The following CADM2 variants were observed in gnomAD, a reference collection of about 807,000 sequenced individuals.
CADM2 encodes the protein immunoglobulin superfamily member 4D.
Under a neutral mutation model 49.8 loss-of-function variants are expected in CADM2, and 12 were observed. The observed-to-expected ratio is 0.24, with a 90% CI of 0.15 to 0.39. CADM2 has a LOEUF of 0.39. Ranked by LOEUF, CADM2 falls within the 10% of genes least tolerant of loss-of-function variation. CADM2 has a pLI of 1.00. For synonymous variants in CADM2, 214 were observed against 175.4 expected, an observed-to-expected ratio of 1.22 and a Z score of -1.74; for missense variants, 378 against 492.3, an observed-to-expected ratio of 0.77 and a Z score of 2.20.
chr3:85,680,583 T>C (rs113636574), intron 1 of CADM2, among the ~76,000 whole-genome samples: 2 of 152,172 alleles, frequency 1.3e-5, no homozygotes, highest in African/African-American at 4.8e-5. Flanking sequence ...TAAATAATTA[T>C]TGAAGCCCAA....
At chr3:85,498,374 CA>C (rs2039989072) in intron 1 of CADM2, among the ~76,000 whole-genome samples, 1 of 152,080 alleles carries the variant, frequency 6.6e-6, no homozygotes, top group Admixed American at 6.5e-5. Flanking sequence ...GTCCTAAGTT[CA>C]ATGTTAATGA....
rs1033772651 is a variant in CADM2, at chr3:85,434,739, C to T, written c.62-291783C>T. ...TAATATTACCCTCTGAGATTGTAGC[C>T]ACTCAATTTAGTATTACCTAAAAAC... On this transcript the variant is annotated intron_variant, in intron 1 of 9. Transcript: ENST00000383699. Among the ~76,000 whole-genome samples the T allele has an allele frequency of 3.3e-5, 5 of 152,086 alleles. No individual in the cohort carries two copies. The South Asian group carries it at 1.0e-3, about 32-fold the overall frequency.
At chr3:85,464,427 C>A (rs1190238200) in intron 1 of CADM2, among the ~76,000 whole-genome samples, 2 of 152,032 alleles carry the variant, frequency 1.3e-5, no homozygotes, top group East Asian at 3.9e-4. Context: ...GGACAGGACT[C>A]AAAAGATCCT....
intron 1 of CADM2, among the ~76,000 whole-genome samples, chr3:85,089,261 A>C (rs2037502870): frequency 6.6e-6 from 1 of 152,118 alleles, no homozygotes; most frequent in African/African-American, 2.4e-5. Flanking sequence ...TAAAAAAAAT[A>C]ACTTTCAGAA....
intron 1 of CADM2, among the ~76,000 whole-genome samples, chr3:85,294,061 T>C (rs1010191453): frequency 2.6e-5 from 4 of 151,864 alleles, no homozygotes; most frequent in African/African-American, 7.3e-5. Flanking sequence ...GCCCAACATC[T>C]TCTTAAGCTG....
intron 2 of CADM2, among the ~76,000 whole-genome samples, chr3:85,742,186 T>C (rs187489986): frequency 4.6e-5 from 7 of 152,370 alleles, no homozygotes; most frequent in Admixed American, 3.3e-4. Flanking sequence ...GGCTTAGACA[T>C]TGGTCAGAAA....
intron 3 of CADM2, among the ~76,000 whole-genome samples, chr3:85,803,582 G>T (rs1349668587): frequency 6.6e-6 from 1 of 152,020 alleles, no homozygotes; most frequent in Non-Finnish European, 1.5e-5. Flanking sequence ...TAATTTTGGG[G>T]TCTGGCAAGT....
At chr3:85,967,327 A>ATT (rs1725603248) in intron 8 of CADM2, among the ~76,000 whole-genome samples, 4 of 151,678 alleles carry the variant, frequency 2.6e-5, no homozygotes, top group African/African-American at 9.7e-5. Flanking sequence ...TTTAACAGAC[A>ATT]TTTCCAATCC....
intron 1 of CADM2, among the ~76,000 whole-genome samples, chr3:84,981,200 T>A (rs1302158796): frequency 6.8e-6 from 1 of 146,866 alleles, no homozygotes; most frequent in Non-Finnish European, 1.5e-5. Flanking sequence ...ATTGTTCAAT[T>A]CGCACCTATG....
chr3:85,394,510 C>A (rs2034673672), intron 1 of CADM2, among the ~76,000 whole-genome samples: 2 of 152,070 alleles, frequency 1.3e-5, no homozygotes, highest in African/African-American at 2.4e-5. Context: ...GTAAATAATT[C>A]ATTTTCAATT....
chr3:85,665,936 AG>A (rs1269595629), intron 1 of CADM2, among the ~76,000 whole-genome samples: 3 of 151,994 alleles, frequency 2.0e-5, no homozygotes, highest in African/African-American at 7.2e-5. Flanking sequence ...AATTAGGAAA[AG>A]AAGAAGTCAA....
At chr3:85,126,652 G>A (rs912879268) in intron 1 of CADM2, among the ~76,000 whole-genome samples, 10 of 151,726 alleles carry the variant, frequency 6.6e-5, no homozygotes, top group African/African-American at 1.2e-4. Flanking sequence ...AAATCACTAC[G>A]GTTGTTTTAT....
chr3:85,678,283 G>A (rs1438266528), intron 1 of CADM2, among the ~76,000 whole-genome samples: 2 of 152,156 alleles, frequency 1.3e-5, no homozygotes, highest in African/African-American at 4.8e-5. Context: ...CAAAAGGATA[G>A]TGAAGGAGAT....
chr3:85,991,732 A>G (rs1438860209), intron 8 of CADM2, among the ~76,000 whole-genome samples: 1 of 152,132 alleles, frequency 6.6e-6, no homozygotes, highest in Admixed American at 6.5e-5. Flanking sequence ...ACGAGAAGCT[A>G]TTACTATAAA....
At chr3:85,809,905 C>T (rs1017217638) in intron 3 of CADM2, among the ~76,000 whole-genome samples, 5 of 151,720 alleles carry the variant, frequency 3.3e-5, no homozygotes, top group Non-Finnish European at 1.5e-5. Flanking sequence ...AACCCTACCA[C>T]ACCACAATAT....
chr3:85,293,128 T>C (rs2043850566), intron 1 of CADM2, among the ~76,000 whole-genome samples: 1 of 152,076 alleles, frequency 6.6e-6, no homozygotes, highest in African/African-American at 2.4e-5. Flanking sequence ...CCCACAGAAA[T>C]ACAAACTACC....
intron 1 of CADM2, among the ~76,000 whole-genome samples, chr3:85,306,580 T>C (rs1447819181): frequency 1.3e-5 from 2 of 151,724 alleles, no homozygotes; most frequent in Admixed American, 6.6e-5. Flanking sequence ...TTCAAGCCAC[T>C]GTTTGTATGT....
intron 2 of CADM2, among the ~76,000 whole-genome samples, chr3:85,753,805 G>T (rs1249072190): frequency 6.6e-6 from 1 of 152,082 alleles, no homozygotes; most frequent in African/African-American, 2.4e-5. Flanking sequence ...CTCAATTCTT[G>T]CTGCCAGAGA....
chr3:86,012,255 T>C (rs1731599599), intron 8 of CADM2, among the ~76,000 whole-genome samples: 1 of 152,196 alleles, frequency 6.6e-6, no homozygotes, highest in South Asian at 2.1e-4. Flanking sequence ...GTATGTATAG[T>C]TATTTTAGTA....
Sources: allele counts gnomAD v4.1 joint callset (sites outside exome capture counted in the v4.1 genomes callset), GRCh38; gene constraint gnomAD v4.1.1; transcripts MANE v1.5; gene names NCBI Gene and HGNC (gene_info 2026-07-23, HGNC 2026-07-21).